ERN2: variants seen among roughly 807,000 people sequenced by gnomAD.
ERN2 encodes the protein serine/threonine-protein kinase/endoribonuclease IRE2.
ERN2 carries 111 observed loss-of-function variants against 107.9 expected under a neutral mutation model. That is an observed-to-expected ratio of 1.03 (90% CI 0.88 to 1.20). The LOEUF is 1.20. ERN2 is among the 50% of genes most tolerant of loss of function. ERN2 has a pLI of 0.00. For missense variants in ERN2, 1,225 were observed against 1,197.9 expected, an observed-to-expected ratio of 1.02 and a Z score of -0.33; for synonymous variants, 524 against 501.7, an observed-to-expected ratio of 1.04 and a Z score of -0.59.
chr16:23,707,023 A>G lies in ERN2; in HGVS notation c.363T>C (p.Asp121=). The G allele has an allele frequency of 6.2e-7, 1 of 1,614,070 alleles. No individual in the cohort carries two copies. Among genetic ancestry groups the G allele is most frequent in the Non-Finnish European group, 8.5e-7 (1 of 1,179,912 alleles). ...GATGCTCACCTGTGTAGAAGACCCCATCAGAGCTGCGGCAGGGAGAGGCAT... is the reference window on the plus strand; with the variant it reads ...GATGCTCACCTGTGTAGAAGACCCCGTCAGAGCTGCGGCAGGGAGAGGCAT... ...LVHASPCRSS[D]GVFYTGRKQD... is the part of the protein sequence containing the mutation. The change falls in exon 5 of 22, where the codon GAT becomes GAC. Residue 121 remains aspartate (D), a synonymous_variant. Coordinates refer to ENST00000256797, the MANE Select transcript of ERN2 (RefSeq NM_033266.4).
At chr16:23,708,540 T>C (rs1484255569) in intron 4 of ERN2, among the ~76,000 whole-genome samples, 1 of 151,904 alleles carries the variant, frequency 6.6e-6, no homozygotes, top group East Asian at 1.9e-4. Context: ...TATTTTTTGG[T>C]AGAGACGGGG....
At chr16:23,711,129 C>T in intron 1 of ERN2, 111 bp from the exon 2 acceptor site, 1 of 690,964 alleles carries the variant, frequency 1.4e-6, no homozygotes, top group Non-Finnish European at 2.6e-6. Context: ...GGGGATGCAG[C>T]AGGGGAGGAA....
At position 23,700,974 on chromosome 16, in the gene ERN2, G is replaced by C. The variant is rs1271882242; in HGVS notation, c.1344C>G (p.Leu448=). ...LTAVLLGGWI[L]FVMRQQQPQV... is the part of the protein sequence containing the mutation. ...GTGGGCCTACCTGCCTCATCACAAAGAGAATCCACCCTCCCAGGAGGACAG... is the reference window on the plus strand; with the variant it reads ...GTGGGCCTACCTGCCTCATCACAAACAGAATCCACCCTCCCAGGAGGACAG... The change falls in exon 12 of 22, where the codon CTC becomes CTG. Residue 448 remains leucine (L), a synonymous_variant. Transcript: ENST00000256797. 3 of 1,614,052 alleles carry C rather than the reference G, an allele frequency of 1.9e-6. 1 individual carries two copies. The highest frequency in any genetic ancestry group is 2.2e-5 in the South Asian group (2 of 91,076).
At chr16:23,710,643 G>T in intron 2 of ERN2, 94 bp from the exon 3 acceptor site, 2 of 1,395,480 alleles carry the variant, frequency 1.4e-6, no homozygotes, top group Non-Finnish European at 2.0e-6. Flanking sequence ...TGACTGTGAT[G>T]TCAAGCACTT....
chr16:23,709,879 T>C (rs1051843545), intron 4 of ERN2: 5 of 273,250 alleles, frequency 1.8e-5, no homozygotes, highest in Non-Finnish European at 2.8e-5. Flanking sequence ...GGTTGATTTT[T>C]ATTTAGCAAA....
rs771805417 is a variant in ERN2, at chr16:23,706,329, C to T, written c.589+1G>A. The T allele has an allele frequency of 1.5e-5, 23 of 1,519,188 alleles. 1 individual carries two copies. The South Asian group carries it at 2.6e-4, about 17-fold the overall frequency. The allele number at this position is 1,519,188 out of a possible 1,614,324, so 94.1% of individuals were successfully genotyped here. On this transcript the variant is annotated splice_donor_variant, in intron 7 of 21. Transcript: ENST00000256797. LOFTEE classifies it high-confidence loss of function. ...TGGGACCAGAGAAAGGTGGAACTCA[C>T]ATTTCCCAGGTGAGCCATCCATGGG...
At chr16:23,695,747 A>AC (rs1959794729) in intron 14 of ERN2, 147 bp downstream of exon 14, 101 of 542,606 alleles carry the variant, frequency 1.9e-4, no homozygotes, top group Non-Finnish European at 2.9e-4. Flanking sequence ...AAAAAAAAAA[A>AC]CAGATAAAGG....
rs765296409 is a variant in ERN2, at chr16:23,705,023, G to A, written c.714C>T (p.Asp238=). The A allele has an allele frequency of 7.4e-6, 12 of 1,613,956 alleles. No individual in the cohort carries two copies. Among genetic ancestry groups the A allele is most frequent in the African/African-American group, 1.3e-5 (1 of 75,064 alleles). ...TGAGATGCGGCAGCTGGCGCAGGCCGTCCTGGTGCCAGGTGTAGACGCCCA... is the reference window on the plus strand; with the variant it reads ...TGAGATGCGGCAGCTGGCGCAGGCCATCCTGGTGCCAGGTGTAGACGCCCA... ...PVMGVYTWHQ[D]GLRQLPHLTL... Residue 238 remains aspartate (D), a synonymous_variant, in exon 8 of 22, where the codon GAC becomes GAT. Transcript: ENST00000256797.
chr16:23,692,933 G>A (rs970617744), intron 17 of ERN2, among the ~76,000 whole-genome samples: 68 of 151,484 alleles, frequency 4.5e-4, no homozygotes, highest in African/African-American at 1.6e-3. Flanking sequence ...TACCCAGCCC[G>A]ATCTTGAACT....
At chr16:23,699,123 C>G (rs1314783211) in intron 13 of ERN2, among the ~76,000 whole-genome samples, 1 of 152,104 alleles carries the variant, frequency 6.6e-6, no homozygotes. Flanking sequence ...ATGACAAAAA[C>G]TACAACAGCT....
chr16:23,695,660 C>T (rs1430706525), intron 14 of ERN2, among the ~76,000 whole-genome samples: 1 of 133,384 alleles, frequency 7.5e-6, no homozygotes, highest in African/African-American at 2.9e-5. Flanking sequence ...ACCTGGGAAG[C>T]GGAGGTTGCA....
At chr16:23,697,411 A>C (rs1233998775) in intron 13 of ERN2, 15 of 152,152 alleles carry the variant, frequency 9.9e-5, no homozygotes. Context: ...AAACAGGCAG[A>C]TCAGAGAGCA....
intron 7 of ERN2, 42 bp from the exon 8 acceptor site, chr16:23,705,189 C>T (rs749118414): frequency 8.2e-5 from 131 of 1,600,130 alleles, no homozygotes; most frequent in Admixed American, 1.7e-4. Flanking sequence ...TGGAAGCTCT[C>T]CTAAGAGGGT....
Position 23,706,394 on chromosome 16 carries a change from G to A in ERN2, c.525C>T (p.Ala175=). ...TVTMHDPRAP[A]LRWNTTYRRY... is the part of the protein sequence containing the mutation. ...GGCGGTAGGTGGTGTTCCAGCGCAG[G>A]GCTGGGGCTCTTGGGTCATGCATGG... is the stretch of plus-strand genomic sequence containing the variant. Residue 175 remains alanine, a synonymous_variant, in exon 7 of 22, where the codon GCC becomes GCT. Transcript: ENST00000256797. 1 of 1,577,280 alleles carries A rather than the reference G, an allele frequency of 6.3e-7. No homozygotes were observed.
chr16:23,710,006 A>G (rs908700830), intron 4 of ERN2, 166 bp downstream of exon 4: 32 of 602,880 alleles, frequency 5.3e-5, no homozygotes, highest in Non-Finnish European at 9.1e-5. Flanking sequence ...TCCCCTTACC[A>G]CCCTTTCAAC....
intron 13 of ERN2, among the ~76,000 whole-genome samples, chr16:23,697,624 A>T (rs1296832431): frequency 6.6e-6 from 1 of 152,184 alleles, no homozygotes; most frequent in Admixed American, 6.5e-5. Context: ...GGCCAGACTT[A>T]AGGCCACAAA....
intron 1 of ERN2, 98 bp downstream of exon 1, chr16:23,712,996 GC>G (rs1960602376): frequency 9.1e-6 from 8 of 879,104 alleles, no homozygotes; most frequent in Middle Eastern, 3.5e-4. Flanking sequence ...AGGGAGAGGT[GC>G]CCCCGTGGCC....
In ERN2 at chr16:23,704,887, G is replaced by T; in HGVS notation, c.850C>A (p.Leu284Met). 6.2e-7 allele frequency: 1 copy of T among 1,608,578 alleles called. No homozygotes were observed. Among genetic ancestry groups the T allele is most frequent in the South Asian group, 1.1e-5 (1 of 91,056 alleles). The stretch of plus-strand genomic sequence containing the variant: ...GCCCCAGGCACGAACACCTACAGCA[G>T]CTGGGTGTCCAAGGTAGAGAAGAGG... ...ATLFSTLDTQ[L>M]LMTLYVGKDE... Residue 284 changes from leucine to methionine, a missense_variant, in exon 8 of 22, where the codon CTG becomes ATG. Transcript: ENST00000256797.
At chr16:23,703,500 T>C (rs1440940522) in intron 8 of ERN2, among the ~76,000 whole-genome samples, 1 of 152,232 alleles carries the variant, frequency 6.6e-6, no homozygotes, top group African/African-American at 2.4e-5. Flanking sequence ...TCTTCATTTC[T>C]TGCCTGAACA....
Sources: gnomAD v4.1 joint callset for allele counts (sites outside exome capture counted in the v4.1 genomes callset) on GRCh38, gnomAD v4.1.1 for gene constraint, MANE v1.5 for transcripts, NCBI Gene and HGNC (gene_info 2026-07-23, HGNC 2026-07-21) for gene names.